Variants in CDH13 observed in about 807,000 individuals in gnomAD.
CDH13 encodes the protein cadherin-13.
A neutral mutation model predicts 63.8 loss-of-function variants in CDH13; 24 were observed. The observed-to-expected ratio is 0.38, with a 90% CI of 0.27 to 0.53. The LOEUF (loss-of-function observed/expected upper bound fraction) is 0.53. Among genes scored for constraint, CDH13 ranks in the 20% least tolerant of loss-of-function variants. CDH13 has a pLI of 0.85. For missense variants in CDH13, 1,049 were observed against 903.1 expected (o/e 1.16, Z -2.07); for synonymous variants, 503 against 355.3 (o/e 1.42, Z -4.67).
At chr16:83,379,950 G>GAA (rs2091532017) in intron 6 of CDH13, among the ~76,000 whole-genome samples, 1 of 142,800 alleles carries the variant, frequency 7.0e-6, no homozygotes, top group African/African-American at 2.7e-5. Flanking sequence ...GAGAGAGAGA[G>GAA]AGAGAGAGAG....
At chr16:82,874,992 A>C (rs904467017) in intron 2 of CDH13, among the ~76,000 whole-genome samples, 13 of 152,338 alleles carry the variant, frequency 8.5e-5, no homozygotes, top group Non-Finnish European at 1.8e-4. Context: ...GGCTAGGACC[A>C]GGCTTTTGGC....
At chr16:83,580,683 G>C (rs1171363294) in intron 7 of CDH13, among the ~76,000 whole-genome samples, 2 of 152,058 alleles carry the variant, frequency 1.3e-5, no homozygotes, top group Non-Finnish European at 2.9e-5. Flanking sequence ...TCTTTGTAGA[G>C]ACAGGGTTTT....
chr16:83,786,519 C>T (rs1454466495), intron 13 of CDH13, among the ~76,000 whole-genome samples: 1 of 152,006 alleles, frequency 6.6e-6, no homozygotes, highest in Non-Finnish European at 1.5e-5. Flanking sequence ...ATATTTCTCC[C>T]TCTTTTCTTT....
chr16:83,343,924 G>A (rs1597794873), intron 5 of CDH13, among the ~76,000 whole-genome samples: 1 of 152,144 alleles, frequency 6.6e-6, no homozygotes, highest in African/African-American at 2.4e-5. Flanking sequence ...CTGGATAAGT[G>A]TTTGTTATTA....
At chr16:82,679,467 T>A (rs1914305732) in intron 1 of CDH13, among the ~76,000 whole-genome samples, 1 of 152,170 alleles carries the variant, frequency 6.6e-6, no homozygotes, top group Non-Finnish European at 1.5e-5. Context: ...CATGGAAGGC[T>A]TAAACATTAG....
intron 4 of CDH13, among the ~76,000 whole-genome samples, chr16:83,156,632 A>G (rs1284042116): frequency 6.6e-6 from 1 of 152,168 alleles, no homozygotes; most frequent in Admixed American, 6.5e-5. Context: ...CAAGCCCCTA[A>G]TAGGACTACA....
chr16:82,685,072 C>T lies in CDH13; in HGVS notation c.45+57935C>T, dbSNP rs375256064. Among the ~76,000 whole-genome samples, 108 of 152,238 alleles carry T rather than the reference C, an allele frequency of 7.1e-4. 1 individual carries two copies. Among genetic ancestry groups the T allele is most frequent in the African/African-American group, 2.3e-3 (97 of 41,524 alleles). On this transcript the variant is annotated intron_variant, in intron 1 of 13. Transcript: ENST00000567109. Reference sequence around the variant, plus strand: ...CCGGTAAACCTGCAATAACTCAGTGCGCAGACATTGCCAGGCAAGGCCTTT... The same window carrying T: ...CCGGTAAACCTGCAATAACTCAGTGTGCAGACATTGCCAGGCAAGGCCTTT...
intron 4 of CDH13, among the ~76,000 whole-genome samples, chr16:83,181,886 A>G (rs1257432510): frequency 5.3e-5 from 8 of 152,188 alleles, no homozygotes; most frequent in Non-Finnish European, 1.0e-4. Context: ...GGTCAGAACC[A>G]TCCTTCTAAC....
intron 4 of CDH13, among the ~76,000 whole-genome samples, chr16:83,199,295 C>A (rs543035824): frequency 5.3e-5 from 8 of 152,342 alleles, no homozygotes; most frequent in African/African-American, 1.9e-4. Context: ...TTTCCTGAAG[C>A]CTGGAAATAA....
At chr16:83,557,689 G>C (rs1474734148) in intron 7 of CDH13, among the ~76,000 whole-genome samples, 3 of 152,118 alleles carry the variant, frequency 2.0e-5, no homozygotes, top group Non-Finnish European at 4.4e-5. Context: ...CTCAGCAGGA[G>C]ATAAGCAGCG....
chr16:82,685,886 G>A (rs1159492204), intron 1 of CDH13, among the ~76,000 whole-genome samples: 1 of 152,224 alleles, frequency 6.6e-6, no homozygotes, highest in Non-Finnish European at 1.5e-5. Flanking sequence ...TTTTTGATAC[G>A]TGGTTTTCAG....
rs1904280765 is a variant in CDH13, at chr16:83,796,294, T to C, written c.*1264T>C. The C allele has an allele frequency of 6.6e-6, 1 of 152,214 alleles. No individual in the cohort carries two copies. The highest frequency in any genetic ancestry group is 2.4e-5 in the African/African-American group (1 of 41,458). The allele number at this position is 152,214 out of a possible 1,614,324, so 9.4% of individuals were successfully genotyped here. ...TAAAACTAGTGACAGCTTGTGGCTT[T>C]TTATTAGAGCTCGCCACGAACTAGG... is the stretch of plus-strand genomic sequence containing the variant. On this transcript the variant is annotated 3_prime_UTR_variant, in exon 14 of 14. Transcript: ENST00000567109.
At chr16:82,853,142 A>G (rs911815110) in intron 1 of CDH13, among the ~76,000 whole-genome samples, 6 of 152,148 alleles carry the variant, frequency 3.9e-5, no homozygotes, top group Non-Finnish European at 7.4e-5. Context: ...TGCTACTTTA[A>G]AGGATGCTTG....
rs142424860 is a variant in CDH13 at position 83,621,550 on chromosome 16, G to C, written c.1101+18956G>C. On this transcript the variant is annotated intron_variant, in intron 8 of 13. Coordinates refer to ENST00000567109, the MANE Select transcript of CDH13 (RefSeq NM_001257.5). Reference sequence around the variant, plus strand: ...CACCCAGGCTGGAGTGCAGTGGCATGATCTCGGCTCACCGCAAACTCCTCC... The same window carrying C: ...CACCCAGGCTGGAGTGCAGTGGCATCATCTCGGCTCACCGCAAACTCCTCC... Among the ~76,000 whole-genome samples, 4 of 129,096 alleles carry C rather than the reference G, an allele frequency of 3.1e-5. No homozygotes were observed. The East Asian group carries it at 7.8e-4, about 25-fold the overall frequency. 84.7% of individuals were successfully genotyped at this position (129,096 alleles called of 152,430 possible).
intron 5 of CDH13, among the ~76,000 whole-genome samples, chr16:83,324,538 A>G (rs1597748842): frequency 6.6e-6 from 1 of 152,212 alleles, no homozygotes; most frequent in Non-Finnish European, 1.5e-5. Context: ...TCACTTAGCA[A>G]GATGTTTTCC....
chr16:83,133,099 G>C (rs1462329531), intron 4 of CDH13, among the ~76,000 whole-genome samples: 1 of 152,194 alleles, frequency 6.6e-6, no homozygotes, highest in African/African-American at 2.4e-5. Flanking sequence ...GGTCAATGCA[G>C]TTATAAAGTC....
intron 2 of CDH13, among the ~76,000 whole-genome samples, chr16:82,904,581 G>C (rs567157293): frequency 2.6e-5 from 4 of 152,280 alleles, no homozygotes; most frequent in South Asian, 4.1e-4. Context: ...CAAAATGCAG[G>C]GGTTGCGGAG....
chr16:83,730,314 C>T (rs901351362), intron 10 of CDH13, among the ~76,000 whole-genome samples: 6 of 152,126 alleles, frequency 3.9e-5, no homozygotes, highest in Admixed American at 1.3e-4. Context: ...CAAAGGGGGA[C>T]CTCATTTGAT....
At chr16:82,645,441 G>C (rs185987499) in intron 1 of CDH13, among the ~76,000 whole-genome samples, 7 of 152,018 alleles carry the variant, frequency 4.6e-5, no homozygotes, top group East Asian at 1.9e-4. Context: ...TGTGACCCTC[G>C]GGACAGTTTG....
Sources: allele counts gnomAD v4.1 joint callset (sites outside exome capture counted in the v4.1 genomes callset), GRCh38; gene constraint gnomAD v4.1.1; transcripts MANE v1.5; gene names NCBI Gene and HGNC (gene_info 2026-07-23, HGNC 2026-07-21).